The following NIBAN1 variants were observed in gnomAD, a reference collection of about 807,000 sequenced individuals.
NIBAN1 encodes the protein niban apoptosis regulator 1.
In NIBAN1, 81 loss-of-function variants were observed where a neutral mutation model predicts 75.1. The observed-to-expected ratio is 1.08, with a 90% CI of 0.90 to 1.30. The LOEUF is 1.30. Among genes scored for constraint, NIBAN1 ranks in the 50% most tolerant of loss-of-function variants. The pLI is 0.00. For synonymous variants in NIBAN1, 436 were observed against 424.8 expected (o/e 1.03, Z -0.32); for missense variants, 1,133 against 1,128.1 (o/e 1.00, Z -0.06).
intron 1 of NIBAN1, among the ~76,000 whole-genome samples, chr1:184,956,690 T>C (rs367670351): frequency 6.6e-6 from 1 of 152,216 alleles, no homozygotes; most frequent in East Asian, 1.9e-4. Context: ...TTCAATAAAA[T>C]TGGTTTCTTT....
chr1:184,881,539 C>T (rs987649762), intron 5 of NIBAN1, among the ~76,000 whole-genome samples: 3 of 152,142 alleles, frequency 2.0e-5, no homozygotes, highest in South Asian at 2.1e-4. Flanking sequence ...TCTTGGATCT[C>T]GCGCAAGAAA....
chr1:184,879,728 A>T (rs925107882), intron 5 of NIBAN1, among the ~76,000 whole-genome samples: 1 of 152,218 alleles, frequency 6.6e-6, no homozygotes, highest in African/African-American at 2.4e-5. Flanking sequence ...ATCAAATCTA[A>T]TAAAGGCATG....
chr1:184,877,360 G>A (rs1656259852), intron 5 of NIBAN1, among the ~76,000 whole-genome samples: 1 of 151,712 alleles, frequency 6.6e-6, no homozygotes, highest in African/African-American at 2.4e-5. Flanking sequence ...CTTTCTCAAA[G>A]GAAAAAGAAG....
At position 184,884,756 on chromosome 1, in the gene NIBAN1, T is replaced by C. The variant is rs140191774; in HGVS notation, c.478A>G (p.Lys160Glu). 8,198 of 1,614,210 alleles carry C rather than the reference T, an allele frequency of 5.1e-3. 35 individuals are homozygous for C. The highest frequency in any genetic ancestry group is 0.012 in the Middle Eastern group (73 of 6,062). ...TGCCACAGGTACACTGGGAATTCCT[T>C]GGGCAGGACCACAAAGGGCTGAGTG... ...ENTQPFVVLP[K>E]EFPVYLWQPF... Residue 160 changes from lysine to glutamate, a missense_variant, in exon 5 of 14, where the codon AAG becomes GAG. Transcript: ENST00000367511.
intron 1 of NIBAN1, among the ~76,000 whole-genome samples, chr1:184,929,799 A>G (rs1312879902): frequency 6.6e-6 from 1 of 152,228 alleles, no homozygotes; most frequent in East Asian, 1.9e-4. Context: ...AATGTATCTG[A>G]TAGATCAAAT....
At chr1:184,884,192 C>T (rs188892071) in intron 5 of NIBAN1, among the ~76,000 whole-genome samples, 1 of 151,508 alleles carries the variant, frequency 6.6e-6, no homozygotes, top group Non-Finnish European at 1.5e-5. Context: ...CCTCTTCTTC[C>T]CTGGGCAGCA....
At chr1:184,819,186 C>A (rs1166547403) in intron 8 of NIBAN1, among the ~76,000 whole-genome samples, 1 of 152,152 alleles carries the variant, frequency 6.6e-6, no homozygotes, top group Non-Finnish European at 1.5e-5. Flanking sequence ...AGTTTGTCTT[C>A]TAAAAACACA....
chr1:184,830,353 A>C (rs1654963310), intron 6 of NIBAN1, among the ~76,000 whole-genome samples: 1 of 152,240 alleles, frequency 6.6e-6, no homozygotes, highest in Non-Finnish European at 1.5e-5. Flanking sequence ...TCTTAATGGC[A>C]TAAGTACATA....
intron 5 of NIBAN1, among the ~76,000 whole-genome samples, chr1:184,860,924 T>G (rs1655799053): frequency 6.6e-6 from 1 of 152,216 alleles, no homozygotes; most frequent in Admixed American, 6.5e-5. Flanking sequence ...ACCCAAGTAA[T>G]TTGTGCCCAC....
At chr1:184,797,669 G>A (rs905610906) in intron 13 of NIBAN1, among the ~76,000 whole-genome samples, 8 of 152,068 alleles carry the variant, frequency 5.3e-5, no homozygotes, top group African/African-American at 1.7e-4. Flanking sequence ...TGGGTGGGGG[G>A]CAGGGGCAGT....
intron 5 of NIBAN1, among the ~76,000 whole-genome samples, chr1:184,882,060 G>C (rs1656393035): frequency 6.6e-6 from 1 of 152,162 alleles, no homozygotes. Flanking sequence ...CAACAGAGAA[G>C]CACGGTGGCC....
chr1:184,892,024 G>C (rs1391466043), intron 3 of NIBAN1, among the ~76,000 whole-genome samples: 1 of 152,198 alleles, frequency 6.6e-6, no homozygotes, highest in East Asian at 1.9e-4. Flanking sequence ...CAAGCTGAGA[G>C]AGCAAGCTGA....
chr1:184,916,391 CTTTA>C (rs997399632), intron 1 of NIBAN1, among the ~76,000 whole-genome samples: 67 of 152,202 alleles, frequency 4.4e-4, no homozygotes, highest in African/African-American at 1.5e-3. Context: ...TAAATTTTCA[CTTTA>C]TTTAATTGTA....
Position 184,791,412 on chromosome 1 carries a change from G to A in NIBAN1, c.*3565C>T, listed in dbSNP as rs560327304. On this transcript the variant is annotated 3_prime_UTR_variant, in exon 14 of 14. Coordinates refer to ENST00000367511, the MANE Select transcript of NIBAN1 (RefSeq NM_052966.4). Reference sequence around the variant, plus strand: ...TCTGACATAGAAGATTACCAGACTTGAGAATTTTTATAATAAAATATGTAA... The same window carrying A: ...TCTGACATAGAAGATTACCAGACTTAAGAATTTTTATAATAAAATATGTAA... The A allele has an allele frequency of 6.5e-6, 1 of 152,892 alleles. No homozygotes were observed. Among genetic ancestry groups the A allele is most frequent in the Admixed American group, 6.5e-5 (1 of 15,310 alleles). The allele number at this position is 152,892 out of a possible 1,614,324, so 9.5% of individuals were successfully genotyped here.
intron 1 of NIBAN1, among the ~76,000 whole-genome samples, chr1:184,945,303 G>C (rs1361103131): frequency 6.6e-6 from 1 of 152,082 alleles, no homozygotes; most frequent in East Asian, 1.9e-4. Flanking sequence ...GAGAGAACAT[G>C]GCAGAAACCC....
chr1:184,866,727 C>T (rs948215134), intron 5 of NIBAN1, among the ~76,000 whole-genome samples: 1 of 152,056 alleles, frequency 6.6e-6, no homozygotes, highest in Non-Finnish European at 1.5e-5. Context: ...CAGAAGAAAA[C>T]CAGAGATGGC....
rs771777329 is a variant in NIBAN1, at chr1:184,805,991, G to C, written c.1401C>G (p.Ser467=). The C allele has an allele frequency of 1.2e-6, 2 of 1,614,202 alleles. No homozygotes were observed. Among genetic ancestry groups the C allele is most frequent in the East Asian group, 4.5e-5 (2 of 44,896 alleles). Reference sequence around the variant, plus strand: ...CCTTCTCAATGGCAACTGCAGTTTTGGAGGCCTCTCCTTGGAGATGTGGGG... The same window carrying C: ...CCTTCTCAATGGCAACTGCAGTTTTCGAGGCCTCTCCTTGGAGATGTGGGG... ...LLSPHLQGEA[S]KTAVAIEKVK... The change falls in exon 11 of 14, where the codon TCC becomes TCG. Residue 467 remains serine, a synonymous_variant. Coordinates refer to ENST00000367511, the MANE Select transcript of NIBAN1 (RefSeq NM_052966.4).
intron 5 of NIBAN1, among the ~76,000 whole-genome samples, chr1:184,833,307 T>C (rs1170206933): frequency 1.3e-5 from 2 of 149,174 alleles, no homozygotes; most frequent in Non-Finnish European, 3.0e-5. Flanking sequence ...CCTCAGGAAC[T>C]GAGAAAAGAG....
intron 5 of NIBAN1, among the ~76,000 whole-genome samples, chr1:184,879,179 G>A (rs234652): frequency 0.085 from 13,008 of 152,180 alleles, 739 homozygotes; most frequent in African/African-American, 0.15. Flanking sequence ...CATTTTGCTT[G>A]CAGTGCATAG....
Sources: allele counts gnomAD v4.1 joint callset (sites outside exome capture counted in the v4.1 genomes callset), GRCh38; gene constraint gnomAD v4.1.1; transcripts MANE v1.5; gene names NCBI Gene and HGNC (gene_info 2026-07-23, HGNC 2026-07-21).